The following CRPPA variants were observed in gnomAD, a reference collection of about 807,000 sequenced individuals.
CRPPA encodes CDP-L-ribitol pyrophosphorylase A, also known as D-ribitol-5-phosphate cytidylyltransferase.
Under a neutral mutation model 52.0 loss-of-function variants are expected in CRPPA, and 43 were observed. The observed-to-expected ratio is 0.83, with a 90% CI of 0.65 to 1.07. CRPPA has a LOEUF of 1.07. Among genes scored for constraint, CRPPA ranks in the 50% least tolerant of loss-of-function variants. The probability of loss-of-function intolerance (pLI) is 0.00; values close to 1 mark genes in which losing one functional copy is unlikely to be tolerated. For missense variants in CRPPA, 629 were observed against 551.7 expected, an observed-to-expected ratio of 1.14 and a Z score of -1.40; for synonymous variants, 250 against 203.5, an observed-to-expected ratio of 1.23 and a Z score of -1.94.
At chr7:16,381,651 C>G (rs1787092239) in intron 2 of CRPPA, among the ~76,000 whole-genome samples, 1 of 151,794 alleles carries the variant, frequency 6.6e-6, no homozygotes, top group Non-Finnish European at 1.5e-5. Flanking sequence ...TCACTCAGGA[C>G]TTGCTTTATG....
chr7:16,369,663 A>C (rs1786697629), intron 3 of CRPPA, among the ~76,000 whole-genome samples: 1 of 152,202 alleles, frequency 6.6e-6, no homozygotes, highest in Non-Finnish European at 1.5e-5. Context: ...GAACAAAATA[A>C]GTATGATCTT....
rs572211311 is a variant in CRPPA, at chr7:16,215,985, C to T, written c.1251+81G>A. On this transcript the variant is annotated intron_variant, in intron 9 of 9. Coordinates refer to ENST00000407010, the MANE Select transcript of CRPPA (RefSeq NM_001101426.4). ...TGTAATTTCACTTATCAATAATATCCTCCTGCTTTTAACAAATCAGATACC... is the reference window on the plus strand; with the variant it reads ...TGTAATTTCACTTATCAATAATATCTTCCTGCTTTTAACAAATCAGATACC... 1.1e-5 allele frequency: 12 copies of T among 1,088,222 alleles called. No homozygotes were observed. In the East Asian group the frequency reaches 2.3e-4, roughly 20 times the overall value. The allele number at this position is 1,088,222 out of a possible 1,614,324, so 67.4% of individuals were successfully genotyped here.
At chr7:16,284,011 CT>C (rs1271252521) in intron 5 of CRPPA, among the ~76,000 whole-genome samples, 1 of 152,012 alleles carries the variant, frequency 6.6e-6, no homozygotes, top group Non-Finnish European at 1.5e-5. Flanking sequence ...TTTGGCAGCA[CT>C]TTGCATATGT....
At chr7:16,244,701 C>T (rs10486791) in intron 8 of CRPPA, among the ~76,000 whole-genome samples, 34,891 of 151,990 alleles carry the variant, frequency 0.23, 4,195 homozygotes, top group African/African-American at 0.31. Flanking sequence ...CTAGTCTCTC[C>T]ATTGAAAAGC....
chr7:16,347,247 C>G (rs927718888), intron 3 of CRPPA, among the ~76,000 whole-genome samples: 1 of 152,086 alleles, frequency 6.6e-6, no homozygotes, highest in Admixed American at 6.6e-5. Context: ...CCCAACCAGT[C>G]TAGTTTCAGA....
Position 16,398,308 on chromosome 7 carries a change from T to A in CRPPA, c.534+7753A>T, listed in dbSNP as rs185376183. On this transcript the variant is annotated intron_variant, in intron 2 of 9. Coordinates refer to ENST00000407010, the MANE Select transcript of CRPPA (RefSeq NM_001101426.4). ...GACAAACACGTGACTGACAGGTAATTCACGTGATAAACACATGATCAATAC... is the reference window on the plus strand; with the variant it reads ...GACAAACACGTGACTGACAGGTAATACACGTGATAAACACATGATCAATAC... 2.9e-3 allele frequency among the ~76,000 whole-genome samples: 439 copies of A among 150,858 alleles called. 4 individuals carry two copies. The highest frequency in any genetic ancestry group is 0.01 in the African/African-American group (414 of 41,050).
At chr7:16,264,204 T>A (rs11982879) in intron 6 of CRPPA, among the ~76,000 whole-genome samples, 58,708 of 151,220 alleles carry the variant, frequency 0.39, 11,539 homozygotes, top group Admixed American at 0.48. Flanking sequence ...TGTTTATATA[T>A]AAAAAAAAGT....
At chr7:16,161,903 T>G (rs1780902205) in intron 9 of CRPPA, among the ~76,000 whole-genome samples, 1 of 152,190 alleles carries the variant, frequency 6.6e-6, no homozygotes, top group African/African-American at 2.4e-5. Context: ...TTCTTCCTGG[T>G]TTAGTCTTGG....
chr7:16,380,201 A>C lies in CRPPA; in HGVS notation c.535-3960T>G, dbSNP rs111969215. Among the ~76,000 whole-genome samples the C allele has an allele frequency of 4.0e-5, 6 of 150,104 alleles. 1 individual carries two copies. Among genetic ancestry groups the C allele is most frequent in the Non-Finnish European group, 4.4e-5 (3 of 67,638 alleles). On this transcript the variant is annotated intron_variant, in intron 2 of 9. Transcript: ENST00000407010. The stretch of plus-strand genomic sequence containing the variant: ...TTTATTGAGAGTTTTTAGCATGAAG[A>C]GTTGCTGAATTTTGTCAAAGGCCTT...
At chr7:16,201,111 T>C (rs1056633077) in intron 9 of CRPPA, among the ~76,000 whole-genome samples, 1 of 152,132 alleles carries the variant, frequency 6.6e-6, no homozygotes, top group African/African-American at 2.4e-5. Flanking sequence ...AAAGGAGAGA[T>C]CAAGGGTACA....
At chr7:16,231,315 T>C (rs1204545140) in intron 8 of CRPPA, among the ~76,000 whole-genome samples, 2 of 152,180 alleles carry the variant, frequency 1.3e-5, no homozygotes, top group Non-Finnish European at 2.9e-5. Flanking sequence ...TATTTTCACA[T>C]GTGGATAGTT....
chr7:16,283,883 A>G (rs748835163), intron 5 of CRPPA, among the ~76,000 whole-genome samples: 18 of 152,072 alleles, frequency 1.2e-4, no homozygotes, highest in Non-Finnish European at 2.1e-4. Flanking sequence ...AACTACAGAT[A>G]TAGGATACTT....
At chr7:16,365,574 C>CA (rs1207189159) in intron 3 of CRPPA, among the ~76,000 whole-genome samples, 1 of 151,762 alleles carries the variant, frequency 6.6e-6, no homozygotes, top group Non-Finnish European at 1.5e-5. Context: ...ACAAATTAGT[C>CA]AAAAAAATGG....
chr7:16,344,590 G>C (rs1785959104), intron 3 of CRPPA, among the ~76,000 whole-genome samples: 1 of 151,810 alleles, frequency 6.6e-6, no homozygotes, highest in African/African-American at 2.4e-5. Flanking sequence ...TTTCTAATAT[G>C]TTCAGTCAAC....
At chr7:16,386,734 C>T (rs759122644) in intron 2 of CRPPA, among the ~76,000 whole-genome samples, 1 of 152,026 alleles carries the variant, frequency 6.6e-6, no homozygotes, top group Non-Finnish European at 1.5e-5. Flanking sequence ...TAAATACATA[C>T]TTGCAGCTGG....
At chr7:16,394,137 C>A (rs1232627997) in intron 2 of CRPPA, among the ~76,000 whole-genome samples, 1 of 152,000 alleles carries the variant, frequency 6.6e-6, no homozygotes, top group Non-Finnish European at 1.5e-5. Flanking sequence ...AGCTGATAAC[C>A]TACACATGTC....
rs185913923 is a variant in CRPPA at position 16,241,319 on chromosome 7, G to T, written c.1119+17071C>A. On this transcript the variant is annotated intron_variant, in intron 8 of 9. Transcript: ENST00000407010. Reference sequence around the variant, plus strand: ...AGAACTCAATTCAATACTTTTGAAGGTTATGTTTCTCACAGTATTAAAATT... The same window carrying T: ...AGAACTCAATTCAATACTTTTGAAGTTTATGTTTCTCACAGTATTAAAATT... 2.6e-3 allele frequency among the ~76,000 whole-genome samples: 400 copies of T among 152,134 alleles called. 1 individual carries two copies. The highest frequency in any genetic ancestry group is 0.015 in the South Asian group (74 of 4,824).
At chr7:16,408,817 C>T (rs57864877) in intron 1 of CRPPA, among the ~76,000 whole-genome samples, 15,749 of 151,978 alleles carry the variant, frequency 0.1, 979 homozygotes, top group East Asian at 0.24. Context: ...GAAAGGAGGT[C>T]GCAGGAGAGT....
At chr7:16,251,913 C>T (rs982102495) in intron 8 of CRPPA, among the ~76,000 whole-genome samples, 1 of 151,822 alleles carries the variant, frequency 6.6e-6, no homozygotes, top group Non-Finnish European at 1.5e-5. Flanking sequence ...CACAGAAAAC[C>T]CTTCAAAAAA....
Sources: allele counts gnomAD v4.1 joint callset (sites outside exome capture counted in the v4.1 genomes callset), GRCh38; gene constraint gnomAD v4.1.1; transcripts MANE v1.5; gene names NCBI Gene and HGNC (gene_info 2026-07-23, HGNC 2026-07-21).